Variants in SPG21 observed in about 807,000 individuals in gnomAD.
The protein encoded by SPG21 is maspardin.
Under a neutral mutation model 38.9 loss-of-function variants are expected in SPG21, and 26 were observed. The observed-to-expected ratio is 0.67, with a 90% CI of 0.49 to 0.93. The LOEUF (loss-of-function observed/expected upper bound fraction) is 0.93. Ranked by LOEUF, SPG21 falls within the 40% of genes least tolerant of loss-of-function variation. The probability of loss-of-function intolerance (pLI) is 0.00; values close to 1 mark genes in which losing one functional copy is unlikely to be tolerated. For missense variants in SPG21, 333 were observed against 376.5 expected, an observed-to-expected ratio of 0.88 and a Z score of 0.96; for synonymous variants, 136 against 128.9, an observed-to-expected ratio of 1.05 and a Z score of -0.37.
rs1193477231 is a variant in SPG21, at chr15:64,976,379, C to A, written c.306+96G>T. ...GGTGGAGGTTGCGGTGAGCCGAGAT[C>A]GCGCCACTGCACTCCAGCCTGGGTG... On this transcript the variant is annotated intron_variant, in intron 4 of 8. Transcript: ENST00000204566. 6.1e-6 allele frequency: 5 copies of A among 821,160 alleles called. No homozygotes were observed. The East Asian group carries it at 1.1e-4, about 18-fold the overall frequency. The allele number at this position is 821,160 out of a possible 1,614,324, so 50.9% of individuals were successfully genotyped here.
At position 64,973,459 on chromosome 15, in the gene SPG21, T is replaced by G. The variant is rs929990887; in HGVS notation, c.452+1143A>C. Reference sequence around the variant, plus strand: ...TTTCCACCATTTTGTTTTTGGTTTGTTTTTTTTTTGAGATGGAGTTTCGCT... The same window carrying G: ...TTTCCACCATTTTGTTTTTGGTTTGGTTTTTTTTTGAGATGGAGTTTCGCT... On this transcript the variant is annotated intron_variant, in intron 5 of 8. Transcript: ENST00000204566. 1.4e-4 allele frequency among the ~76,000 whole-genome samples: 21 copies of G among 146,702 alleles called. No homozygotes were observed. The East Asian group carries it at 1.6e-3, about 11-fold the overall frequency.
rs376095195 is a variant in SPG21, at chr15:64,983,620, C to T, written c.-24-27G>A. 25 of 1,323,856 alleles carry T rather than the reference C, an allele frequency of 1.9e-5. 1 individual carries two copies. The highest frequency in any genetic ancestry group is 1.5e-4 in the South Asian group (12 of 79,754). 82.0% of individuals were successfully genotyped at this position (1,323,856 alleles called of 1,614,324 possible). On this transcript the variant is annotated intron_variant, in intron 1 of 8. Coordinates refer to ENST00000204566, the MANE Select transcript of SPG21 (RefSeq NM_016630.7). ...TGAAATAAAAGCATGTGATATTTCA[C>T]GTCAAGAATTCATGTTTACATCAGA...
chr15:64,983,996 C>T (rs2085937914), intron 1 of SPG21, among the ~76,000 whole-genome samples: 2 of 152,154 alleles, frequency 1.3e-5, no homozygotes, highest in African/African-American at 4.8e-5. Context: ...GTTGGCCAGG[C>T]TGGTCTCGAA....
chr15:64,975,520 C>T (rs2140429350), intron 4 of SPG21, among the ~76,000 whole-genome samples: 1 of 130,596 alleles, frequency 7.7e-6, no homozygotes, highest in East Asian at 2.6e-4. Context: ...AAAGTGAAAG[C>T]CTGTCTCAAA....
rs72742778 is a variant in SPG21 at position 64,983,460 on chromosome 15, A to C, written c.63+47T>G. ...CATGACATCTAAATCACACACAAAA[A>C]CAATACAAGATTTTGCAAATAAGAG... On this transcript the variant is annotated intron_variant, in intron 2 of 8. Transcript: ENST00000204566. 0.029 allele frequency: 38,421 copies of C among 1,317,444 alleles called. 1,145 individuals carry two copies. Among genetic ancestry groups the C allele is most frequent in the South Asian group, 0.13 (10,035 of 79,518 alleles). The allele number at this position is 1,317,444 out of a possible 1,614,324, so 81.6% of individuals were successfully genotyped here.
intron 7 of SPG21, among the ~76,000 whole-genome samples, chr15:64,968,253 T>C (rs1280098955): frequency 6.6e-6 from 1 of 150,538 alleles, no homozygotes; most frequent in East Asian, 1.9e-4. Flanking sequence ...GGAGGGAGGA[T>C]TGTTTGGGCC....
intron 6 of SPG21, 93 bp from the exon 7 acceptor site, chr15:64,969,455 G>T: frequency 1.1e-6 from 1 of 944,214 alleles, no homozygotes; most frequent in South Asian, 1.3e-5. Flanking sequence ...TATAAAGGTG[G>T]TATCATCTGT....
chr15:64,984,564 A>C (rs929264198), intron 1 of SPG21, among the ~76,000 whole-genome samples: 1 of 151,916 alleles, frequency 6.6e-6, no homozygotes, highest in Non-Finnish European at 1.5e-5. Flanking sequence ...TGTTGCCTGC[A>C]CTGGTCTCGA....
At chr15:64,963,782 G>A in intron 8 of SPG21, 46 bp from the exon 9 acceptor site, 1 of 1,563,522 alleles carries the variant, frequency 6.4e-7, no homozygotes, top group Non-Finnish European at 8.8e-7. Context: ...TTGAGCTGGA[G>A]TGTCACTCTT....
chr15:64,973,791 C>G (rs1386145315), intron 5 of SPG21, among the ~76,000 whole-genome samples: 2 of 152,156 alleles, frequency 1.3e-5, no homozygotes. Flanking sequence ...AGACTAATAT[C>G]AAGGGTCATG....
chr15:64,989,092 T>C (rs1318787992), intron 1 of SPG21: 2 of 151,472 alleles, frequency 1.3e-5, no homozygotes, highest in African/African-American at 4.9e-5. Flanking sequence ...GTCTAACTTA[T>C]AACTCCCCAG....
intron 8 of SPG21, among the ~76,000 whole-genome samples, chr15:64,964,083 A>G (rs761223970): frequency 1.1e-4 from 17 of 152,244 alleles, no homozygotes; most frequent in Non-Finnish European, 2.4e-4. Context: ...TGGCTGCATT[A>G]CAGAGTAAAA....
At chr15:64,977,629 C>A (rs1034391340) in intron 3 of SPG21, among the ~76,000 whole-genome samples, 2 of 152,144 alleles carry the variant, frequency 1.3e-5, no homozygotes, top group African/African-American at 4.8e-5. Context: ...AGCAATATAA[C>A]TGCCTTAACT....
chr15:64,983,026 G>A (rs1595879427), intron 2 of SPG21: 1 of 173,266 alleles, frequency 5.8e-6, no homozygotes, highest in East Asian at 1.8e-4. Context: ...GGGAGGCCAA[G>A]GTGGGCGGAT....
At position 64,989,839 on chromosome 15, in the gene SPG21, C is replaced by G. The variant is rs2086080980; in HGVS notation, c.-199G>C. ...TGCGGGAGGCCGGCCTCTGAGGGGG[C>G]GGGGCGCGTGGCCGAGCGAGCTTGG... is the stretch of plus-strand genomic sequence containing the variant. On this transcript the variant is annotated 5_prime_UTR_variant, in exon 1 of 9. Transcript: ENST00000204566. The G allele has an allele frequency of 6.8e-6, 1 of 147,060 alleles. No individual in the cohort carries two copies. Among genetic ancestry groups the G allele is most frequent in the African/African-American group, 2.7e-5 (1 of 36,732 alleles). The allele number at this position is 147,060 out of a possible 1,614,324, so 9.1% of individuals were successfully genotyped here.
Position 64,965,421 on chromosome 15 carries a change from C to T in SPG21, c.709G>A (p.Glu237Lys). 6.2e-7 allele frequency: 1 copy of T among 1,614,154 alleles called. No individual in the cohort carries two copies. The highest frequency in any genetic ancestry group is 1.1e-5 in the South Asian group (1 of 91,072). ...QSALSTEAKEEMYKLYPNARR... is the reference protein window; with the variant it reads ...QSALSTEAKEKMYKLYPNARR... ...GCATTAGGATACAGCTTGTACATTT[C>T]TTCTTTAGCTTCAGTTGAAAGCGCA... is the stretch of plus-strand genomic sequence containing the variant. The change falls in exon 8 of 9, where the codon GAA becomes AAA. Residue 237 changes from glutamate to lysine, a missense_variant. Physicochemically the swap from Glu to Lys is moderately conservative, Grantham distance 56. Transcript: ENST00000204566.
chr15:64,968,348 A>AG, intron 7 of SPG21, among the ~76,000 whole-genome samples: 1 of 151,640 alleles, frequency 6.6e-6, no homozygotes, highest in Middle Eastern at 3.4e-3. Context: ...TCCAAAAAAA[A>AG]AAAAAAAAAA....
chr15:64,968,334 T>C (rs1435184552), intron 7 of SPG21, among the ~76,000 whole-genome samples: 2 of 108,452 alleles, frequency 1.8e-5, no homozygotes, highest in Non-Finnish European at 4.0e-5. Flanking sequence ...AGTGAGACCC[T>C]GTTTCCAAAA....
intron 3 of SPG21, among the ~76,000 whole-genome samples, chr15:64,978,462 A>G (rs12441741): frequency 0.9 from 137,039 of 151,872 alleles, 62,515 homozygotes; most frequent in East Asian, 0.99. Context: ...AAACAAAAAC[A>G]AAAACAAAAA....
Sources: gnomAD v4.1 joint callset for allele counts (sites outside exome capture counted in the v4.1 genomes callset) on GRCh38, gnomAD v4.1.1 for gene constraint, MANE v1.5 for transcripts, NCBI Gene and HGNC (gene_info 2026-07-23, HGNC 2026-07-21) for gene names.